The following ST8SIA2 variants were observed in gnomAD, a reference collection of about 807,000 sequenced individuals.
ST8SIA2 encodes ST8 alpha-N-acetyl-neuraminide alpha-2,8-sialyltransferase 2.
In ST8SIA2, 22 loss-of-function variants were observed where a neutral mutation model predicts 37.6. The observed-to-expected ratio is 0.58, with a 90% CI of 0.42 to 0.83. The LOEUF is 0.83. ST8SIA2 is among the 40% of genes least tolerant of loss of function. The probability of loss-of-function intolerance (pLI) is 0.00; values close to 1 mark genes in which losing one functional copy is unlikely to be tolerated. For missense variants in ST8SIA2, 382 were observed against 484.7 expected (o/e 0.79, Z 1.99); for synonymous variants, 205 against 201.2 (o/e 1.02, Z -0.16).
intron 5 of ST8SIA2, among the ~76,000 whole-genome samples, chr15:92,448,490 G>A (rs556822779): frequency 1.9e-4 from 29 of 152,304 alleles, no homozygotes; most frequent in African/African-American, 6.0e-4. Flanking sequence ...GGAGGAATCC[G>A]GCCAAGAGGC....
chr15:92,429,000 C>G (rs1346256438), intron 1 of ST8SIA2, among the ~76,000 whole-genome samples: 2 of 152,178 alleles, frequency 1.3e-5, no homozygotes, highest in East Asian at 3.8e-4. Flanking sequence ...AAATCAGATA[C>G]AAAATCCAGA....
intron 2 of ST8SIA2, among the ~76,000 whole-genome samples, chr15:92,433,369 A>G (rs3902203): frequency 0.59 from 90,371 of 152,032 alleles, 27,817 homozygotes; most frequent in African/African-American, 0.74. Context: ...GTGTGCATCC[A>G]GCAGCAAGGC....
intron 5 of ST8SIA2, among the ~76,000 whole-genome samples, chr15:92,460,963 G>T (rs575307532): frequency 7.9e-5 from 12 of 152,298 alleles, no homozygotes; most frequent in Admixed American, 4.6e-4. Context: ...GATGCTGAGA[G>T]AGGGCCAGAT....
intron 3 of ST8SIA2, among the ~76,000 whole-genome samples, chr15:92,435,485 G>A (rs896264686): frequency 6.6e-6 from 1 of 152,120 alleles, no homozygotes; most frequent in Non-Finnish European, 1.5e-5. Flanking sequence ...GGGAATGATT[G>A]ATGACCATCC....
chr15:92,432,358 G>A (rs2049722308), intron 2 of ST8SIA2, among the ~76,000 whole-genome samples: 1 of 152,218 alleles, frequency 6.6e-6, no homozygotes, highest in Non-Finnish European at 1.5e-5. Context: ...AAAGGATGCA[G>A]CAATGCCAGC....
chr15:92,455,282 T>C (rs898417973), intron 5 of ST8SIA2, among the ~76,000 whole-genome samples: 1 of 152,028 alleles, frequency 6.6e-6, no homozygotes, highest in Non-Finnish European at 1.5e-5. Flanking sequence ...GCGTGCTCCA[T>C]GAAAGAGAAA....
intron 1 of ST8SIA2, among the ~76,000 whole-genome samples, chr15:92,402,885 GAA>G (rs2141799714): frequency 6.6e-6 from 1 of 152,192 alleles, no homozygotes; most frequent in East Asian, 1.9e-4. Flanking sequence ...CACTGAGAGA[GAA>G]GAGAAAAACA....
intron 1 of ST8SIA2, among the ~76,000 whole-genome samples, chr15:92,415,126 C>T (rs546169357): frequency 6.6e-6 from 1 of 152,212 alleles, no homozygotes; most frequent in East Asian, 1.9e-4. Context: ...ATCTGTTGGT[C>T]CTCAGCAAGC....
intron 1 of ST8SIA2, among the ~76,000 whole-genome samples, chr15:92,407,764 G>T (rs1463969940): frequency 2.0e-5 from 3 of 152,236 alleles, no homozygotes; most frequent in African/African-American, 7.2e-5. Context: ...TGGAAGCCAA[G>T]AATTTAATTG....
intron 1 of ST8SIA2, among the ~76,000 whole-genome samples, chr15:92,425,480 C>T (rs914737343): frequency 6.6e-6 from 1 of 152,212 alleles, no homozygotes; most frequent in African/African-American, 2.4e-5. Context: ...AGAAAGTGAA[C>T]AAGACAGGCT....
At chr15:92,451,825 C>G (rs1431502929) in intron 5 of ST8SIA2, among the ~76,000 whole-genome samples, 1 of 152,150 alleles carries the variant, frequency 6.6e-6, no homozygotes, top group Non-Finnish European at 1.5e-5. Flanking sequence ...GATCCCACGG[C>G]TGGTTAGGGA....
chr15:92,434,536 C>T (rs891743065), intron 3 of ST8SIA2, among the ~76,000 whole-genome samples, 161 bp downstream of exon 3: 10 of 152,268 alleles, frequency 6.6e-5, no homozygotes, highest in East Asian at 5.8e-4. Flanking sequence ...AATAAAAACC[C>T]GAGACAAGCC....
At position 92,394,151 on chromosome 15, in the gene ST8SIA2, A is replaced by G. The variant is rs1410327401; in HGVS notation, c.87A>G (p.Glu29=). The G allele has an allele frequency of 1.9e-5, 29 of 1,556,848 alleles. No individual in the cohort carries two copies. The highest frequency in any genetic ancestry group is 2.3e-5 in the Non-Finnish European group (27 of 1,149,226). ...TCTTCGCAGACATCTCAGAGATCGA[A>G]GAAGAAATCGGGTAAATAGCTGCTC... ...FLIFADISEI[E]EEIGNSGGRG... Residue 29 remains glutamate, a synonymous_variant, in exon 1 of 6, where the codon GAA becomes GAG. Coordinates refer to ENST00000268164, the MANE Select transcript of ST8SIA2 (RefSeq NM_006011.4).
chr15:92,401,170 C>T (rs149382683), intron 1 of ST8SIA2, among the ~76,000 whole-genome samples: 75 of 152,238 alleles, frequency 4.9e-4, no homozygotes, highest in Non-Finnish European at 8.8e-4. Flanking sequence ...ACATGAAAGC[C>T]ACCAGCTGGG....
At chr15:92,406,579 A>G (rs881770) in intron 1 of ST8SIA2, among the ~76,000 whole-genome samples, 87,039 of 152,144 alleles carry the variant, frequency 0.57, 25,034 homozygotes, top group Middle Eastern at 0.64. Context: ...CCTGCCTTCT[A>G]CAGAGCGCCT....
At chr15:92,405,062 C>T (rs1191267559) in intron 1 of ST8SIA2, among the ~76,000 whole-genome samples, 1 of 151,862 alleles carries the variant, frequency 6.6e-6, no homozygotes, top group Admixed American at 6.6e-5. Flanking sequence ...GGAGTTTGGA[C>T]ATGCCTGGGC....
intron 4 of ST8SIA2, among the ~76,000 whole-genome samples, chr15:92,440,133 T>C (rs1028503558): frequency 5.9e-5 from 9 of 152,208 alleles, no homozygotes; most frequent in Non-Finnish European, 8.8e-5. Flanking sequence ...CAGCGCACAG[T>C]CCAAAGCTGT....
rs1486248718 is a variant in ST8SIA2, at chr15:92,468,574, T to C, written c.*4189T>C. 6.5e-6 allele frequency: 1 copy of C among 152,736 alleles called. No homozygotes were observed. The highest frequency in any genetic ancestry group is 1.5e-5 in the Non-Finnish European group (1 of 68,064). 9.5% of individuals were successfully genotyped at this position (152,736 alleles called of 1,614,324 possible). A position where few individuals can be genotyped will look rare whatever the true frequency, so the allele number is the denominator to read the frequency against. ...ACTTACCATATTCTGCCTTGTATTA[T>C]AGTTATTTGTGCACTTGTCCTTTGA... On this transcript the variant is annotated 3_prime_UTR_variant, in exon 6 of 6. Transcript: ENST00000268164.
chr15:92,447,719 C>T (rs976865226), intron 5 of ST8SIA2, among the ~76,000 whole-genome samples: 6 of 152,146 alleles, frequency 3.9e-5, no homozygotes, highest in Non-Finnish European at 8.8e-5. Flanking sequence ...CAAGAAAGCC[C>T]GAGAGAGACA....
Sources: allele counts gnomAD v4.1 joint callset (sites outside exome capture counted in the v4.1 genomes callset), GRCh38; gene constraint gnomAD v4.1.1; transcripts MANE v1.5; gene names NCBI Gene and HGNC (gene_info 2026-07-23, HGNC 2026-07-21).